The following PAK1IP1 variants were observed in gnomAD, a reference collection of about 807,000 sequenced individuals.
PAK1IP1 encodes the protein p21-activated protein kinase-interacting protein 1.
In PAK1IP1, 24 loss-of-function variants were observed where a neutral mutation model predicts 42.0. That is an observed-to-expected ratio of 0.57 (90% CI 0.41 to 0.80). The LOEUF (loss-of-function observed/expected upper bound fraction) is 0.80, where lower values mean the gene tolerates loss of function less well. Ranked by LOEUF, PAK1IP1 falls within the 30% of genes least tolerant of loss-of-function variation. The probability of loss-of-function intolerance (pLI) is 0.00; values close to 1 mark genes in which losing one functional copy is unlikely to be tolerated. For synonymous variants in PAK1IP1, 154 were observed against 156.7 expected, an observed-to-expected ratio of 0.98 and a Z score of 0.13; for missense variants, 411 against 467.9, an observed-to-expected ratio of 0.88 and a Z score of 1.12.
At chr6:10,699,200 C>CAA (rs796680429) in intron 2 of PAK1IP1, among the ~76,000 whole-genome samples, 120 of 53,768 alleles carry the variant, frequency 2.2e-3, no homozygotes, top group Middle Eastern at 9.4e-3. Flanking sequence ...GACTCTGTCT[C>CAA]AAAAAAAAAA....
Position 10,709,570 on chromosome 6 carries a change from T to A in PAK1IP1, c.*118T>A, listed in dbSNP as rs1225713008. ...AATTTCTTCCTTTGGAAAAAATATA[T>A]ATATTAAAAAACCACTTTTAGATGG... On this transcript the variant is annotated 3_prime_UTR_variant, in exon 10 of 10. Transcript: ENST00000379568. The A allele has an allele frequency of 6.1e-6, 3 of 492,728 alleles. No individual in the cohort carries two copies. The highest frequency in any genetic ancestry group is 5.5e-5 in the South Asian group (1 of 18,292). The allele number at this position is 492,728 out of a possible 1,614,324, so 30.5% of individuals were successfully genotyped here.
chr6:10,706,041 A>G (rs1375810559), intron 7 of PAK1IP1, among the ~76,000 whole-genome samples: 2 of 152,230 alleles, frequency 1.3e-5, no homozygotes, highest in East Asian at 3.8e-4. Context: ...TTAATGATGA[A>G]CAGAAAAGAC....
chr6:10,698,694 C>T (rs532932889), intron 2 of PAK1IP1, among the ~76,000 whole-genome samples: 5 of 152,272 alleles, frequency 3.3e-5, no homozygotes, highest in Admixed American at 2.6e-4. Flanking sequence ...AGAACCCCAA[C>T]AGAAGGACTG....
intron 2 of PAK1IP1, among the ~76,000 whole-genome samples, chr6:10,700,839 T>C (rs1048166567): frequency 6.6e-6 from 1 of 152,128 alleles, no homozygotes; most frequent in African/African-American, 2.4e-5. Flanking sequence ...CCTTCAACTT[T>C]TAAGTTCAGG....
At chr6:10,707,171 ATC>A (rs1406556377) in intron 7 of PAK1IP1, among the ~76,000 whole-genome samples, 3 of 152,118 alleles carry the variant, frequency 2.0e-5, no homozygotes, top group African/African-American at 7.2e-5. Flanking sequence ...ATTTATAGTT[ATC>A]TGTTTTCTTT....
upstream of PAK1IP1, among the ~76,000 whole-genome samples, chr6:10,691,398 C>T (rs1388355584): frequency 2.6e-5 from 4 of 151,874 alleles, no homozygotes; most frequent in Admixed American, 6.6e-5. Flanking sequence ...ACTGAGCAAG[C>T]GGGGGTACAT....
At chr6:10,694,343 G>C (rs1039791006), upstream of PAK1IP1, among the ~76,000 whole-genome samples, 2 of 151,884 alleles carry the variant, frequency 1.3e-5, no homozygotes, top group Non-Finnish European at 2.9e-5. Context: ...CCCAGAGTTA[G>C]ACAAGCAGAC....
At chr6:10,708,781 A>G (rs1770286022) in intron 8 of PAK1IP1, among the ~76,000 whole-genome samples, 172 bp from the exon 9 acceptor site, 1 of 152,032 alleles carries the variant, frequency 6.6e-6, no homozygotes, top group Non-Finnish European at 1.5e-5. Context: ...AACATGCAAA[A>G]TTGGCTCTGT....
At chr6:10,691,227 C>G (rs1313831579), upstream of PAK1IP1, among the ~76,000 whole-genome samples, 1 of 152,206 alleles carries the variant, frequency 6.6e-6, no homozygotes, top group African/African-American at 2.4e-5. Context: ...AAGCCGCAGA[C>G]AAAACCCCTC....
In PAK1IP1 at chr6:10,697,304, T is replaced by C; in HGVS notation, c.85-20T>C. The C allele has an allele frequency of 1.2e-6, 2 of 1,606,426 alleles. No individual in the cohort carries two copies. The highest frequency in any genetic ancestry group is 1.1e-5 in the South Asian group (1 of 90,514). ...ACTGTGGTGTGACTGGCATTAATTG[T>C]ATGTTTTCATCTTCAGCAGCAATGG... On this transcript the variant is annotated intron_variant, in intron 1 of 9. Transcript: ENST00000379568.
Position 10,709,032 on chromosome 6 carries a change from C to T in PAK1IP1, c.920C>T (p.Ala307Val), listed in dbSNP as rs1193510970. The T allele has an allele frequency of 1.9e-6, 3 of 1,613,070 alleles. No individual in the cohort carries two copies. Among genetic ancestry groups the T allele is most frequent in the Non-Finnish European group, 2.5e-6 (3 of 1,179,090 alleles). ...TCLGVWLDKV[A>V]DMKESLPPAA... ...CTTGGAGTGTGGCTAGACAAAGTGGCAGACATGAAAGAAAGCCTTCCTCCA... is the reference window on the plus strand; with the variant it reads ...CTTGGAGTGTGGCTAGACAAAGTGGTAGACATGAAAGAAAGCCTTCCTCCA... Residue 307 changes from alanine (A) to valine (V), a missense_variant, in exon 9 of 10, where the codon GCA (alanine) becomes GTA (valine). Coordinates refer to ENST00000379568, the MANE Select transcript of PAK1IP1 (RefSeq NM_017906.3).
At chr6:10,697,289 G>A in intron 1 of PAK1IP1, 35 bp from the exon 2 acceptor site, 1 of 1,590,354 alleles carries the variant, frequency 6.3e-7, no homozygotes, top group Non-Finnish European at 8.6e-7. Flanking sequence ...ACTGTGGTGT[G>A]ACTGGCATTA....
intron 7 of PAK1IP1, among the ~76,000 whole-genome samples, chr6:10,706,861 C>T (rs1332045222): frequency 5.3e-5 from 8 of 149,590 alleles, no homozygotes; most frequent in African/African-American, 7.4e-5. Context: ...CACCGCACTC[C>T]AGCCTGGGCG....
At chr6:10,695,471 A>G (rs1235276325) in intron 1 of PAK1IP1, among the ~76,000 whole-genome samples, 11 of 152,218 alleles carry the variant, frequency 7.2e-5, no homozygotes, top group Non-Finnish European at 1.6e-4. Flanking sequence ...TAAATCCCTT[A>G]TAGGTAAAGC....
At chr6:10,692,502 G>A (rs1465751817), upstream of PAK1IP1, among the ~76,000 whole-genome samples, 1 of 151,956 alleles carries the variant, frequency 6.6e-6, no homozygotes, top group African/African-American at 2.4e-5. Flanking sequence ...GTGCAGTGGC[G>A]GGATCTCGGC....
chr6:10,700,264 G>C (rs1308812234), intron 2 of PAK1IP1, among the ~76,000 whole-genome samples: 1 of 152,040 alleles, frequency 6.6e-6, no homozygotes, highest in African/African-American at 2.4e-5. Context: ...AACCATGTTG[G>C]CCAAGCTGGT....
upstream of PAK1IP1, among the ~76,000 whole-genome samples, chr6:10,691,102 A>T (rs899204073): frequency 5.3e-5 from 8 of 152,208 alleles, no homozygotes; most frequent in African/African-American, 1.9e-4. Flanking sequence ...TGAAAAAGTC[A>T]CTTCTCCAGA....
intron 2 of PAK1IP1, among the ~76,000 whole-genome samples, chr6:10,701,265 C>T (rs1450020239): frequency 1.3e-5 from 2 of 151,970 alleles, no homozygotes; most frequent in African/African-American, 2.4e-5. Context: ...TCAGTAGAGA[C>T]GGGGTTTCGC....
chr6:10,708,595 A>G (rs934878936), intron 8 of PAK1IP1, among the ~76,000 whole-genome samples: 7 of 151,362 alleles, frequency 4.6e-5, no homozygotes, highest in Admixed American at 1.3e-4. Context: ...TTAGTTATAT[A>G]TGTATACATG....
Sources: gnomAD v4.1 joint callset for allele counts (sites outside exome capture counted in the v4.1 genomes callset) on GRCh38, gnomAD v4.1.1 for gene constraint, MANE v1.5 for transcripts, NCBI Gene and HGNC (gene_info 2026-07-23, HGNC 2026-07-21) for gene names.